Variants in CES2 observed in about 807,000 individuals in gnomAD.
CES2 encodes cocaine esterase.
CES2 carries 42 observed loss-of-function variants against 52.1 expected under a neutral mutation model. The observed-to-expected ratio is 0.81, with a 90% CI of 0.63 to 1.04. The LOEUF (loss-of-function observed/expected upper bound fraction) is 1.04, where lower values mean the gene tolerates loss of function less well. Among genes scored for constraint, CES2 ranks in the 50% least tolerant of loss-of-function variants. The probability of loss-of-function intolerance (pLI) is 0.00; values close to 1 mark genes in which losing one functional copy is unlikely to be tolerated. For missense variants in CES2, 656 were observed against 724.3 expected, an observed-to-expected ratio of 0.91 and a Z score of 1.08; for synonymous variants, 277 against 289.6, an observed-to-expected ratio of 0.96 and a Z score of 0.44.
Position 66,943,517 on chromosome 16 carries a change from C to G in CES2, c.1493+146C>G. ...TCCCCAGCTCCGGGACCCACTCAGA[C>G]AGGGTGGGGGTGCGTGGGGCAGTGG... On this transcript the variant is annotated intron_variant, in intron 11 of 11. Coordinates refer to ENST00000317091, the MANE Select transcript of CES2 (RefSeq NM_001365405.1). The surrounding 1 kb of genome is among the most constrained non-coding windows in gnomAD (Gnocchi z 4.2). 2 of 837,432 alleles carry G rather than the reference C, an allele frequency of 2.4e-6. No individual in the cohort carries two copies. The highest frequency in any genetic ancestry group is 3.8e-6 in the Non-Finnish European group (2 of 523,330). The allele number at this position is 837,432 out of a possible 1,614,324, so 51.9% of individuals were successfully genotyped here.
In CES2 at chr16:66,943,694, T is replaced by C; in HGVS notation, c.1494-145T>C. 1 of 645,728 alleles carries C rather than the reference T, an allele frequency of 1.5e-6. No individual in the cohort carries two copies. Among genetic ancestry groups the C allele is most frequent in the South Asian group, 2.3e-5 (1 of 44,374 alleles). 40.0% of individuals were successfully genotyped at this position (645,728 alleles called of 1,614,324 possible). ...CACTAGCCAGAGGGAGCTTATTTCCTGTTTCTGGAAGCCTCCCCACTCATT... is the reference window on the plus strand; with the variant it reads ...CACTAGCCAGAGGGAGCTTATTTCCCGTTTCTGGAAGCCTCCCCACTCATT... On this transcript the variant is annotated intron_variant, in intron 11 of 11. Coordinates refer to ENST00000317091, the MANE Select transcript of CES2 (RefSeq NM_001365405.1). This position sits in a 1 kb window ranked among gnomAD's most constrained non-coding sequence, Gnocchi z 4.2.
rs1288670066 is a variant in CES2, at chr16:66,939,275, T to A, written c.340T>A (p.Phe114Ile). The A allele has an allele frequency of 2.5e-6, 4 of 1,613,624 alleles. No individual in the cohort carries two copies. The Admixed American group carries it at 6.7e-5, about 27-fold the overall frequency. ...SEFLSQFNMT[F>I]PSDSMSEDCL... ...GTTTCTTAGCCAGTTCAACATGACC[T>A]TCCCTTCCGACTCCATGTCTGAGGA... Residue 114 changes from phenylalanine (F) to isoleucine (I), a missense_variant, in exon 3 of 12, where the codon TTC becomes ATC. By Grantham distance (21) the Phe-to-Ile change is conservative (BLOSUM62 0). Transcript: ENST00000317091.
In CES2 at chr16:66,935,569, C is replaced by G. The variant is rs1272242446; in HGVS notation, c.-67C>G. 6.2e-7 allele frequency: 1 copy of G among 1,613,764 alleles called. No individual in the cohort carries two copies. The highest frequency in any genetic ancestry group is 8.5e-7 in the Non-Finnish European group (1 of 1,180,040). The stretch of plus-strand genomic sequence containing the variant: ...AGGCACTGATCCACTGCTGGACAGA[C>G]CCGGGGCAGCCTCTGGGTGAACAGC... On this transcript the variant is annotated 5_prime_UTR_variant, in exon 1 of 12. Coordinates refer to ENST00000317091, the MANE Select transcript of CES2 (RefSeq NM_001365405.1).
chr16:66,944,246 A>T lies in CES2; in HGVS notation c.*221A>T. 1.5e-5 allele frequency: 4 copies of T among 265,230 alleles called. No individual in the cohort carries two copies. Among genetic ancestry groups the T allele is most frequent in the Non-Finnish European group, 1.4e-5 (2 of 140,196 alleles). The allele number at this position is 265,230 out of a possible 1,614,324, so 16.4% of individuals were successfully genotyped here. Reference sequence around the variant, plus strand: ...CTATTGGGAAGGATGAGATGGGAGGATGGCTTGAGGCCAGAGGTTTGAGAC... The same window carrying T: ...CTATTGGGAAGGATGAGATGGGAGGTTGGCTTGAGGCCAGAGGTTTGAGAC... On this transcript the variant is annotated 3_prime_UTR_variant, in exon 12 of 12. Transcript: ENST00000317091.
chr16:66,939,247 A>G lies in CES2; in HGVS notation c.312A>G (p.Ser104=). 6.2e-7 allele frequency: 1 copy of G among 1,613,680 alleles called. No individual in the cohort carries two copies. Among genetic ancestry groups the G allele is most frequent in the African/African-American group, 1.3e-5 (1 of 74,914 alleles). ...TACAGGACCTCACCGCAGTGGAGTC[A>G]GAGTTTCTTAGCCAGTTCAACATGA... The part of the protein sequence containing the change: ...MCLQDLTAVE[S]EFLSQFNMTF... The change falls in exon 3 of 12, where the codon TCA becomes TCG. Residue 104 remains serine (S), a synonymous_variant. Transcript: ENST00000317091.
chr16:66,943,899 G>T lies in CES2; in HGVS notation c.1554G>T (p.Leu518=), dbSNP rs1167414024. Residue 518 remains leucine, a synonymous_variant, in exon 12 of 12, where the codon CTG becomes CTT. Transcript: ENST00000317091. This position sits in a 1 kb window ranked among gnomAD's most constrained non-coding sequence, Gnocchi z 4.2. ...WPLFDQEEQY[L]QLNLQPAVGR... is the part of the protein sequence containing the mutation. ...TGTTCGACCAGGAGGAGCAATACCTGCAGCTGAACCTACAGCCTGCGGTGG... is the reference window on the plus strand; with the variant it reads ...TGTTCGACCAGGAGGAGCAATACCTTCAGCTGAACCTACAGCCTGCGGTGG... The T allele has an allele frequency of 6.2e-7, 1 of 1,610,074 alleles. No homozygotes were observed. Among genetic ancestry groups the T allele is most frequent in the Non-Finnish European group, 8.5e-7 (1 of 1,177,222 alleles).
At position 66,941,271 on chromosome 16, in the gene CES2, G is replaced by C. The variant is rs184014116; in HGVS notation, c.915+49G>C. ...TAGAGGAAGGGGTGCAATAGGCATGGGGCTGGCAGGCCTGCACGGCCGTCA... is the reference window on the plus strand; with the variant it reads ...TAGAGGAAGGGGTGCAATAGGCATGCGGCTGGCAGGCCTGCACGGCCGTCA... On this transcript the variant is annotated intron_variant, in intron 6 of 11. Coordinates refer to ENST00000317091, the MANE Select transcript of CES2 (RefSeq NM_001365405.1). 5.6e-5 allele frequency: 90 copies of C among 1,602,708 alleles called. No individual in the cohort carries two copies. The African/African-American group carries it at 9.6e-4, about 17-fold the overall frequency.
intron 5 of CES2, 113 bp from the exon 6 acceptor site, chr16:66,941,011 C>A: frequency 1.4e-6 from 2 of 1,441,438 alleles, no homozygotes; most frequent in East Asian, 2.3e-5. Flanking sequence ...TGCAGGAACT[C>A]ATACGAAGTA....
In CES2 at chr16:66,943,320, A is replaced by C; in HGVS notation, c.1442A>C (p.Glu481Ala). ...GNYIKFTEEEEQLSRKMMKYW... is the reference protein window; with the variant it reads ...GNYIKFTEEEAQLSRKMMKYW... ...GCAGTTAAATTCACTGAGGAAGAGG[A>C]GCAGCTAAGCAGGAAGATGATGAAG... The change falls in exon 11 of 12, where the codon GAG becomes GCG. Residue 481 changes from glutamate (E) to alanine (A), a missense_variant. Glu to Ala is a moderately radical substitution (Grantham distance 107). Coordinates refer to ENST00000317091, the MANE Select transcript of CES2 (RefSeq NM_001365405.1). The surrounding 1 kb of genome is among the most constrained non-coding windows in gnomAD (Gnocchi z 4.2). The C allele has an allele frequency of 6.2e-7, 1 of 1,614,140 alleles. No homozygotes were observed. The highest frequency in any genetic ancestry group is 8.5e-7 in the Non-Finnish European group (1 of 1,180,004).
intron 3 of CES2, 138 bp from the exon 4 acceptor site, chr16:66,940,084 A>G: frequency 8.2e-7 from 1 of 1,224,220 alleles, no homozygotes. Flanking sequence ...GTGCCTAACC[A>G]TTTGCCCATG....
chr16:66,938,364 T>C, intron 2 of CES2, 123 bp downstream of exon 2: 2 of 714,294 alleles, frequency 2.8e-6, no homozygotes, highest in Non-Finnish European at 4.8e-6. Context: ...CCTTCTGAGT[T>C]TCGTGGATTC....
rs769917670 is a variant in CES2 at position 66,942,288 on chromosome 16, A to T, written c.1282+39A>T. On this transcript the variant is annotated intron_variant, in intron 9 of 11. Transcript: ENST00000317091. ...GACCAAAGCCTGGCGGGCAGGGTACAGCTCAGGGCTGTGGGTCCCAGGTGA... is the reference window on the plus strand; with the variant it reads ...GACCAAAGCCTGGCGGGCAGGGTACTGCTCAGGGCTGTGGGTCCCAGGTGA... The T allele has an allele frequency of 2.5e-6, 4 of 1,569,296 alleles. No homozygotes were observed. In the Admixed American group the frequency reaches 5.2e-5, roughly 21 times the overall value.
In CES2 at chr16:66,942,777, G is replaced by T; in HGVS notation, c.1412G>T (p.Gly471Val). ...LPFVFRSFFG[G>V]NYIKFTEEEE... ...TTTGTTTTCAGAAGTTTCTTTGGGG[G>T]CAACTACAGTGAGTCTTCTTCCTTT... Residue 471 changes from glycine (G) to valine (V), a missense_variant, in exon 10 of 12, where the codon GGC becomes GTC. Coordinates refer to ENST00000317091, the MANE Select transcript of CES2 (RefSeq NM_001365405.1). 1.2e-6 allele frequency: 2 copies of T among 1,614,236 alleles called. No individual in the cohort carries two copies. Among genetic ancestry groups the T allele is most frequent in the Non-Finnish European group, 1.7e-6 (2 of 1,180,050 alleles).
intron 2 of CES2, among the ~76,000 whole-genome samples, chr16:66,938,776 T>G (rs1307404112): frequency 4.6e-5 from 7 of 151,992 alleles, no homozygotes; most frequent in Non-Finnish European, 8.8e-5. Context: ...GAATGATGAG[T>G]TTTTGAGAGT....
At chr16:66,941,279 A>G (rs1274647492) in intron 6 of CES2, 57 bp downstream of exon 6, 12 of 1,596,776 alleles carry the variant, frequency 7.5e-6, no homozygotes, top group African/African-American at 1.3e-5. Flanking sequence ...TGGGGCTGGC[A>G]GGCCTGCACG....
intron 8 of CES2, 91 bp from the exon 9 acceptor site, chr16:66,942,014 C>A: frequency 6.5e-7 from 1 of 1,533,600 alleles, no homozygotes; most frequent in Non-Finnish European, 8.9e-7. Flanking sequence ...CCTTTGCTCC[C>A]CCTTCCTGTG....
At chr16:66,935,906 G>A in intron 1 of CES2, 195 bp downstream of exon 1, 1 of 1,450,352 alleles carries the variant, frequency 6.9e-7, no homozygotes, top group South Asian at 1.4e-5. Flanking sequence ...AAAGGGTCGG[G>A]CTGGGGGACA....
chr16:66,937,728 T>G (rs566845382), intron 1 of CES2, among the ~76,000 whole-genome samples: 1 of 152,328 alleles, frequency 6.6e-6, no homozygotes, highest in East Asian at 1.9e-4. Context: ...ATCATCCTAC[T>G]GTCACATGAC....
rs1963271631 is a variant in CES2, at chr16:66,938,491, G to A, written c.281+250G>A. 5.4e-6 allele frequency: 3 copies of A among 550,634 alleles called. No individual in the cohort carries two copies. The South Asian group carries it at 6.5e-5, about 12-fold the overall frequency. The allele number at this position is 550,634 out of a possible 1,614,324, so 34.1% of individuals were successfully genotyped here. Reference sequence around the variant, plus strand: ...TTGGCTCCAGGTGCCGAAGGGAGGGGCAGACACACGTATCTCCCCAGATTC... The same window carrying A: ...TTGGCTCCAGGTGCCGAAGGGAGGGACAGACACACGTATCTCCCCAGATTC... On this transcript the variant is annotated intron_variant, in intron 2 of 11. Transcript: ENST00000317091.
Sources: gnomAD v4.1 joint callset for allele counts (sites outside exome capture counted in the v4.1 genomes callset) on GRCh38, gnomAD v4.1.1 for gene constraint, Gnocchi (gnomAD v3.1) non-coding constraint, MANE v1.5 for transcripts, NCBI Gene and HGNC (gene_info 2026-07-23, HGNC 2026-07-21) for gene names.